COL5A2: variants seen among roughly 807,000 people sequenced by gnomAD.
The protein encoded by COL5A2 is collagen type V alpha 2 chain, also known as collagen alpha-2(V) chain.
COL5A2 carries 23 observed loss-of-function variants against 208.2 expected under a neutral mutation model. That is an observed-to-expected ratio of 0.11 (90% CI 0.08 to 0.16). The LOEUF (loss-of-function observed/expected upper bound fraction) is 0.16, where lower values mean the gene tolerates loss of function less well. Among genes scored for constraint, COL5A2 ranks in the 10% least tolerant of loss-of-function variants. The pLI, the probability that COL5A2 is intolerant of heterozygous loss-of-function variation, is 1.00. For synonymous variants in COL5A2, 625 were observed against 628.5 expected, an observed-to-expected ratio of 0.99 and a Z score of 0.08; for missense variants, 1,590 against 1,956.4, an observed-to-expected ratio of 0.81 and a Z score of 3.53.
chr2:189,348,487 A>T, the COL5A2 span, among the ~76,000 whole-genome samples: 2 of 152,190 alleles, frequency 1.3e-5, no homozygotes, highest in African/African-American at 2.4e-5. Flanking sequence ...AATAAGATGA[A>T]CAAAACAGAC....
chr2:189,086,716 A>G lies in COL5A2; in HGVS notation c.690+10T>C, dbSNP rs1411056384. ...TCTTACAGCATGTAATTAATTATAA[A>G]GAGACTTACTTGCTGTCCTTGTAAA... On this transcript the variant is annotated intron_variant, in intron 9 of 53. Transcript: ENST00000374866. The G allele has an allele frequency of 6.4e-7, 1 of 1,570,950 alleles. No individual in the cohort carries two copies. Among genetic ancestry groups the G allele is most frequent in the Admixed American group, 1.8e-5 (1 of 55,510 alleles).
intron 51 of COL5A2, 134 bp from the exon 52 acceptor site, chr2:189,036,937 AC>A: frequency 1.4e-6 from 1 of 736,190 alleles, no homozygotes; most frequent in South Asian, 1.8e-5. Context: ...AGTGCCCCTT[AC>A]GAAAAAAGTA....
At chr2:189,061,700 A>G in intron 29 of COL5A2, 85 bp from the exon 30 acceptor site, 1 of 970,182 alleles carries the variant, frequency 1.0e-6, no homozygotes, top group Non-Finnish European at 1.7e-6. Context: ...AAGTACTGAT[A>G]TTTATTTGTA....
At chr2:189,279,663 T>C in the COL5A2 span, among the ~76,000 whole-genome samples, 1 of 152,110 alleles carries the variant, frequency 6.6e-6, no homozygotes, top group Non-Finnish European at 1.5e-5. Flanking sequence ...TATTATAAGA[T>C]AGTTTATTTT....
the COL5A2 span, among the ~76,000 whole-genome samples, chr2:189,422,223 T>C: frequency 2.0e-5 from 3 of 151,944 alleles, no homozygotes; most frequent in Admixed American, 1.3e-4. Flanking sequence ...CGACAAAACA[T>C]TTATAATAAC....
At chr2:189,350,889 C>T in the COL5A2 span, among the ~76,000 whole-genome samples, 2 of 152,154 alleles carry the variant, frequency 1.3e-5, no homozygotes, top group Non-Finnish European at 2.9e-5. Flanking sequence ...AATTTCTCTA[C>T]CTTCTGAACT....
chr2:189,305,710 G>T, the COL5A2 span, among the ~76,000 whole-genome samples: 108 of 151,614 alleles, frequency 7.1e-4, 1 homozygote, highest in African/African-American at 2.6e-3. Flanking sequence ...AACCTACACT[G>T]AAACTCTTAT....
intron 1 of COL5A2, among the ~76,000 whole-genome samples, chr2:189,132,559 T>C (rs1421422989): frequency 6.6e-6 from 1 of 152,166 alleles, no homozygotes; most frequent in Non-Finnish European, 1.5e-5. Context: ...AATAACCAAA[T>C]CACAATGTAT....
intron 13 of COL5A2, 66 bp downstream of exon 13, chr2:189,080,924 T>C: frequency 7.6e-7 from 1 of 1,314,364 alleles, no homozygotes; most frequent in African/African-American, 1.4e-5. Context: ...ATTTTGAAGG[T>C]AAATCTCCCC....
At chr2:189,346,527 T>A in the COL5A2 span, among the ~76,000 whole-genome samples, 2 of 152,218 alleles carry the variant, frequency 1.3e-5, no homozygotes, top group East Asian at 1.9e-4. Flanking sequence ...AAAGCATTTT[T>A]AAAATATAAA....
At chr2:189,322,292 T>G in the COL5A2 span, among the ~76,000 whole-genome samples, 7 of 151,962 alleles carry the variant, frequency 4.6e-5, no homozygotes, top group Non-Finnish European at 1.0e-4. Flanking sequence ...GCAAACACAT[T>G]CAAAAGCTAA....
intron 1 of COL5A2, among the ~76,000 whole-genome samples, chr2:189,114,729 A>T (rs1324795869): frequency 6.6e-6 from 1 of 151,760 alleles, no homozygotes; most frequent in African/African-American, 2.4e-5. Flanking sequence ...AGTAAAAATT[A>T]GAAAAAAATA....
At chr2:189,378,717 C>G in the COL5A2 span, among the ~76,000 whole-genome samples, 1 of 147,084 alleles carries the variant, frequency 6.8e-6, no homozygotes, top group Non-Finnish European at 1.5e-5. Context: ...GTGCGAGACT[C>G]CGTCTCAACA....
chr2:189,377,838 C>T, the COL5A2 span, among the ~76,000 whole-genome samples: 9 of 152,108 alleles, frequency 5.9e-5, no homozygotes, highest in East Asian at 1.9e-4. Flanking sequence ...TTTCTCCTTG[C>T]GAACCAATTA....
At chr2:189,204,252 C>T (rs561396302) in intron 1 of COL5A2, among the ~76,000 whole-genome samples, 64 of 152,218 alleles carry the variant, frequency 4.2e-4, no homozygotes, top group African/African-American at 1.5e-3. Flanking sequence ...GTAAATTATG[C>T]TATTTTATAG....
At chr2:189,318,542 C>T in the COL5A2 span, among the ~76,000 whole-genome samples, 14 of 152,308 alleles carry the variant, frequency 9.2e-5, no homozygotes, top group African/African-American at 3.1e-4. Context: ...TCCCTTTCAA[C>T]TGGACTCCAC....
the COL5A2 span, among the ~76,000 whole-genome samples, chr2:189,440,526 T>C: frequency 6.6e-6 from 1 of 152,256 alleles, no homozygotes; most frequent in Non-Finnish European, 1.5e-5. Flanking sequence ...TCTTACGGAA[T>C]CACCATGTTA....
chr2:189,333,505 A>G, the COL5A2 span, among the ~76,000 whole-genome samples: 2 of 152,098 alleles, frequency 1.3e-5, no homozygotes, highest in African/African-American at 4.8e-5. Context: ...AAAGAAACAA[A>G]ATGTGAGTAG....
At chr2:189,375,165 C>T in the COL5A2 span, among the ~76,000 whole-genome samples, 10 of 151,740 alleles carry the variant, frequency 6.6e-5, no homozygotes, top group African/African-American at 2.4e-4. Flanking sequence ...TACAGGTGTG[C>T]GCCACAAAGC....
Sources: allele counts gnomAD v4.1 joint callset (sites outside exome capture counted in the v4.1 genomes callset), GRCh38; gene constraint gnomAD v4.1.1; transcripts MANE v1.5; gene names NCBI Gene and HGNC (gene_info 2026-07-23, HGNC 2026-07-21).